SPOP: variants seen among roughly 807,000 people sequenced by gnomAD.
SPOP encodes speckle type BTB/POZ protein.
In SPOP, 11 loss-of-function variants were observed where a neutral mutation model predicts 45.6. The observed-to-expected ratio is 0.24, with a 90% CI of 0.15 to 0.40. SPOP has a LOEUF of 0.40. SPOP is among the 10% of genes least tolerant of loss of function. SPOP has a pLI of 1.00. For synonymous variants in SPOP, 166 were observed against 166.3 expected, an observed-to-expected ratio of 1.00 and a Z score of 0.01; for missense variants, 152 against 465.6, an observed-to-expected ratio of 0.33 and a Z score of 6.20.
At chr17:49,628,162 C>T (rs768310867) in intron 1 of SPOP, among the ~76,000 whole-genome samples, 9 of 152,338 alleles carry the variant, frequency 5.9e-5, no homozygotes, top group Non-Finnish European at 1.0e-4. Flanking sequence ...CAAGTTAAGA[C>T]AGTCTGTCTG....
chr17:49,655,681 G>A (rs2072899802), intron 1 of SPOP, among the ~76,000 whole-genome samples: 1 of 152,104 alleles, frequency 6.6e-6, no homozygotes, highest in African/African-American at 2.4e-5. Flanking sequence ...GATAAAATAG[G>A]AACTCAGCAT....
intron 1 of SPOP, among the ~76,000 whole-genome samples, chr17:49,670,728 CATGA>C (rs2073125308): frequency 6.6e-6 from 1 of 152,146 alleles, no homozygotes; most frequent in African/African-American, 2.4e-5. Context: ...GTCTACAGTA[CATGA>C]CAGAAAGCCA....
chr17:49,651,651 T>C (rs893136879), intron 1 of SPOP, among the ~76,000 whole-genome samples: 15 of 152,214 alleles, frequency 9.9e-5, no homozygotes, highest in African/African-American at 3.1e-4. Flanking sequence ...CAAAGATTCA[T>C]CCTATCATCT....
chr17:49,627,388 G>GT, intron 1 of SPOP, among the ~76,000 whole-genome samples: 1 of 152,314 alleles, frequency 6.6e-6, no homozygotes, highest in Middle Eastern at 3.4e-3. Flanking sequence ...CCATTAACAA[G>GT]TAAGTATAAA....
intron 1 of SPOP, among the ~76,000 whole-genome samples, chr17:49,639,309 A>T (rs927866161): frequency 6.6e-6 from 1 of 152,148 alleles, no homozygotes; most frequent in South Asian, 2.1e-4. Context: ...GGAGACTATC[A>T]TACTGTTGGT....
chr17:49,630,050 C>A (rs541469885), intron 1 of SPOP, among the ~76,000 whole-genome samples: 5 of 152,066 alleles, frequency 3.3e-5, no homozygotes, highest in African/African-American at 4.8e-5. Flanking sequence ...TTTTAAAAGC[C>A]TCTCTCTCTG....
At chr17:49,639,564 T>C (rs1330016570) in intron 1 of SPOP, among the ~76,000 whole-genome samples, 1 of 152,196 alleles carries the variant, frequency 6.6e-6, no homozygotes, top group Non-Finnish European at 1.5e-5. Flanking sequence ...ACTACAGTTC[T>C]ATATAGTAAC....
intron 5 of SPOP, among the ~76,000 whole-genome samples, chr17:49,615,669 C>G (rs2072070916): frequency 6.6e-6 from 1 of 152,094 alleles, no homozygotes; most frequent in Non-Finnish European, 1.5e-5. Context: ...GGTGGGCCAC[C>G]ACTCCTGACT....
At chr17:49,671,265 T>G (rs898049197) in intron 1 of SPOP, among the ~76,000 whole-genome samples, 1 of 151,744 alleles carries the variant, frequency 6.6e-6, no homozygotes, top group Non-Finnish European at 1.5e-5. Flanking sequence ...TTCCAGAAGC[T>G]CCATATGGTA....
At chr17:49,669,018 C>T (rs552686032) in intron 1 of SPOP, among the ~76,000 whole-genome samples, 2 of 151,916 alleles carry the variant, frequency 1.3e-5, no homozygotes, top group African/African-American at 4.8e-5. Flanking sequence ...CCTCGTGATC[C>T]GCCCATCTCG....
At chr17:49,635,077 T>TA in intron 1 of SPOP, among the ~76,000 whole-genome samples, 1 of 152,266 alleles carries the variant, frequency 6.6e-6, no homozygotes, top group Admixed American at 6.5e-5. Context: ...CAGTCTTAAC[T>TA]AAAAAAGCCT....
rs184563805 is a variant in SPOP at position 49,643,387 on chromosome 17, A to G, written c.-66-20511T>C. 7.2e-3 allele frequency among the ~76,000 whole-genome samples: 1,101 copies of G among 152,354 alleles called. 9 individuals carry two copies. Among genetic ancestry groups the G allele is most frequent in the Middle Eastern group, 0.014 (4 of 294 alleles). On this transcript the variant is annotated intron_variant, in intron 1 of 9. Transcript: ENST00000504102. The stretch of plus-strand genomic sequence containing the variant: ...GCACAGTGGATTAAAGACTCCAGAA[A>G]AAATTTATAAATGAAAACCACTGGC...
chr17:49,623,346 T>C (rs986561593), intron 1 of SPOP, among the ~76,000 whole-genome samples: 1 of 152,164 alleles, frequency 6.6e-6, no homozygotes, highest in African/African-American at 2.4e-5. Flanking sequence ...GAGAAGACTA[T>C]CTAATGTAAA....
chr17:49,600,414 A>G lies in SPOP; in HGVS notation c.1089T>C (p.Phe363=). The G allele has an allele frequency of 6.2e-7, 1 of 1,614,150 alleles. No individual in the cohort carries two copies. Among genetic ancestry groups the G allele is most frequent in the African/African-American group, 1.3e-5 (1 of 75,044 alleles). Residue 363 remains phenylalanine (F), a synonymous_variant, in exon 10 of 10, where the codon TTT becomes TTC. Coordinates refer to ENST00000504102, the MANE Select transcript of SPOP (RefSeq NM_001007228.2). This position sits in a 1 kb window ranked among gnomAD's most constrained non-coding sequence, Gnocchi z 4.2. ...TCAGGCGTTTGCGTGGGGGTCCCAG[A>G]AAAGGGCACTGTGCTGAAGCCAGAG... ...YRSLASAQCP[F]LGPPRKRLKQ... is the part of the protein sequence containing the mutation.
intron 1 of SPOP, among the ~76,000 whole-genome samples, chr17:49,652,666 T>C (rs2072858108): frequency 6.6e-6 from 1 of 152,150 alleles, no homozygotes; most frequent in African/African-American, 2.4e-5. Context: ...ACCCTGACCC[T>C]TTCATCCCTG....
At chr17:49,666,208 T>C (rs2073055903) in intron 1 of SPOP, among the ~76,000 whole-genome samples, 1 of 151,840 alleles carries the variant, frequency 6.6e-6, no homozygotes. Context: ...AGGGAACAGA[T>C]GGACTATTCA....
chr17:49,599,519 T>G lies in SPOP; in HGVS notation c.*859A>C, dbSNP rs1003259201. ...TTTGTTTTGTGTGTTTTTTTTTTTG[T>G]TTGTTTTTTAGAAAAAGGGGTGGGG... is the stretch of plus-strand genomic sequence containing the variant. On this transcript the variant is annotated 3_prime_UTR_variant, in exon 10 of 10. Transcript: ENST00000504102. 7.2e-5 allele frequency: 12 copies of G among 166,874 alleles called. No homozygotes were observed. The highest frequency in any genetic ancestry group is 3.9e-4 in the African/African-American group (12 of 30,796). 10.3% of individuals were successfully genotyped at this position (166,874 alleles called of 1,614,324 possible). A position where few individuals can be genotyped will look rare whatever the true frequency, so the allele number is the denominator to read the frequency against.
chr17:49,649,307 A>T (rs1031453589), intron 1 of SPOP, among the ~76,000 whole-genome samples: 1 of 143,500 alleles, frequency 7.0e-6, no homozygotes, highest in African/African-American at 2.6e-5. Flanking sequence ...GGAACCAAGG[A>T]GAGCGGACCA....
In SPOP at chr17:49,671,774, G is replaced by A. The variant is rs374336942; in HGVS notation, c.-67+6159C>T. ...TAATCCCAGGACTTTGGGAAGCAGA[G>A]GCGGGAGGATCACTTGAGGTCAGGA... On this transcript the variant is annotated intron_variant, in intron 1 of 9. Coordinates refer to ENST00000504102, the MANE Select transcript of SPOP (RefSeq NM_001007228.2). Among the ~76,000 whole-genome samples, 41 of 152,314 alleles carry A rather than the reference G, an allele frequency of 2.7e-4. No individual in the cohort carries two copies. In the East Asian group the frequency reaches 7.3e-3, roughly 27 times the overall value.
Sources: gnomAD v4.1 joint callset for allele counts (sites outside exome capture counted in the v4.1 genomes callset) on GRCh38, gnomAD v4.1.1 for gene constraint, Gnocchi (gnomAD v3.1) non-coding constraint, MANE v1.5 for transcripts, NCBI Gene and HGNC (gene_info 2026-07-23, HGNC 2026-07-21) for gene names.